TMEM43: variants seen among roughly 807,000 people sequenced by gnomAD.
TMEM43 encodes the protein transmembrane protein 43, also known as arrhythmogenic right ventricular dysplasia 5.
Under a neutral mutation model 49.6 loss-of-function variants are expected in TMEM43, and 45 were observed. The observed-to-expected ratio is 0.91, with a 90% confidence interval of 0.71 to 1.16. TMEM43 has a LOEUF of 1.16. Among genes scored for constraint, TMEM43 ranks in the 50% most tolerant of loss-of-function variants. TMEM43 has a pLI of 0.00. For missense variants in TMEM43, 532 were observed against 516.6 expected (o/e 1.03, Z -0.29); for synonymous variants, 199 against 207.8 (o/e 0.96, Z 0.36).
chr3:14,133,079 G>C (rs1323662611), intron 6 of TMEM43, 144 bp downstream of exon 6: 1 of 733,332 alleles, frequency 1.4e-6, no homozygotes, highest in Admixed American at 2.1e-5. Context: ...ACCAAGCCCT[G>C]TGCTGGGCAC....
rs746183974 is a variant in TMEM43, at chr3:14,134,850, G to A, written c.664G>A (p.Gly222Arg). The A allele has an allele frequency of 8.7e-6, 14 of 1,614,080 alleles. No homozygotes were observed. In the Admixed American group the frequency reaches 1.8e-4, roughly 21 times the overall value. ...EDPHVDIIRR[G>R]DFFYHSENPK... ...CCCTCATGTGGACATCATTCGCCGT[G>A]GAGACTTTTTCTACCACAGCGAAAA... Residue 222 changes from glycine (G) to arginine (R), a missense_variant, in exon 8 of 12, where the codon GGA becomes AGA. Coordinates refer to ENST00000306077, the MANE Select transcript of TMEM43 (RefSeq NM_024334.3).
chr3:14,138,283 T>C (rs1294379538), intron 10 of TMEM43, among the ~76,000 whole-genome samples: 4 of 151,880 alleles, frequency 2.6e-5, no homozygotes, highest in Non-Finnish European at 5.9e-5. Flanking sequence ...GCCAGCAGGG[T>C]CAGGGCACTG....
intron 2 of TMEM43, 88 bp downstream of exon 2, chr3:14,129,649 A>G: frequency 7.0e-7 from 1 of 1,430,302 alleles, no homozygotes; most frequent in Non-Finnish European, 9.8e-7. Flanking sequence ...TGGATTTGGT[A>G]ATCAAGGGCC....
chr3:14,133,054 G>T, intron 6 of TMEM43, 119 bp downstream of exon 6: 1 of 908,032 alleles, frequency 1.1e-6, no homozygotes, highest in East Asian at 2.7e-5. Context: ...TGAAAATGTG[G>T]GACATGGGTT....
Position 14,141,582 on chromosome 3 carries a change from C to G in TMEM43, c.1001-11C>G. 1 of 1,605,618 alleles carries G rather than the reference C, an allele frequency of 6.2e-7. No individual in the cohort carries two copies. The highest frequency in any genetic ancestry group is 8.5e-7 in the Non-Finnish European group (1 of 1,176,008). On this transcript the variant is annotated splice_polypyrimidine_tract_variant and intron_variant, in intron 11 of 11. Coordinates refer to ENST00000306077, the MANE Select transcript of TMEM43 (RefSeq NM_024334.3). The stretch of plus-strand genomic sequence containing the variant: ...GCAGGTGGCACCTCATCACCTTTCT[C>G]CTTTCCACAGTGGACTGGTTTCCTG...
Position 14,141,707 on chromosome 3 carries a change from G to GACCCCTGTGGGCCC in TMEM43, c.1116_1129dup (p.Leu377HisfsTer43). 19 of 1,614,038 alleles carry GACCCCTGTGGGCCC rather than the reference G, an allele frequency of 1.2e-5. No individual in the cohort carries two copies. The highest frequency in any genetic ancestry group is 1.6e-5 in the Non-Finnish European group (19 of 1,180,010). On this transcript the variant is annotated frameshift_variant, in exon 12 of 12. Coordinates refer to ENST00000306077, the MANE Select transcript of TMEM43 (RefSeq NM_024334.3). LOFTEE classifies it high-confidence loss of function. The stretch of plus-strand genomic sequence containing the variant: ...GTGGCGGCTGGCTGGCTCTTCTACC[G>GACCCCTGTGGGCCC]ACCCCTGTGGGCCCTCCTCATTGCC...
chr3:14,129,588 A>C lies in TMEM43; in HGVS notation c.162+27A>C, dbSNP rs760798770. The stretch of plus-strand genomic sequence containing the variant: ...TAAAATGTCTGGGGTCTTCCTGTGC[A>C]GAGTGAGAGTCCCCACCATGTCAGA... On this transcript the variant is annotated intron_variant, in intron 2 of 11. Transcript: ENST00000306077. 5.6e-6 allele frequency: 9 copies of C among 1,613,450 alleles called. No individual in the cohort carries two copies. The East Asian group carries it at 2.0e-4, about 36-fold the overall frequency.
At chr3:14,128,920 CAT>C in intron 1 of TMEM43, 1 of 456,206 alleles carries the variant, frequency 2.2e-6, no homozygotes, top group Middle Eastern at 3.3e-4. Flanking sequence ...GTGGTATAGT[CAT>C]AAATGGAATA....
Position 14,143,293 on chromosome 3 carries a change from C to T in TMEM43, c.*1498C>T, listed in dbSNP as rs1350869038. 1 of 152,160 alleles carries T rather than the reference C, an allele frequency of 6.6e-6. No individual in the cohort carries two copies. Among genetic ancestry groups the T allele is most frequent in the African/African-American group, 2.4e-5 (1 of 41,426 alleles). 9.4% of individuals were successfully genotyped at this position (152,160 alleles called of 1,614,324 possible). ...AATAAGGGGTCAGAACTTCTGAAACCAGAGATCTGTAATCATCTCTATTGG... is the reference window on the plus strand; with the variant it reads ...AATAAGGGGTCAGAACTTCTGAAACTAGAGATCTGTAATCATCTCTATTGG... On this transcript the variant is annotated 3_prime_UTR_variant, in exon 12 of 12. Transcript: ENST00000306077.
chr3:14,140,375 A>G (rs1178144320), intron 11 of TMEM43, among the ~76,000 whole-genome samples: 1 of 152,000 alleles, frequency 6.6e-6, no homozygotes, highest in African/African-American at 2.4e-5. Flanking sequence ...TGTGATCCCA[A>G]TTCACTCTAC....
chr3:14,131,710 G>A (rs1695099566), intron 4 of TMEM43, 36 bp downstream of exon 4: 1 of 1,505,276 alleles, frequency 6.6e-7, no homozygotes, highest in Non-Finnish European at 9.2e-7. Flanking sequence ...TTGGGGTAAA[G>A]GAGGAGTGAA....
At chr3:14,141,570 C>T in intron 11 of TMEM43, 23 bp from the exon 12 acceptor site, 2 of 1,611,546 alleles carry the variant, frequency 1.2e-6, no homozygotes, top group Non-Finnish European at 1.7e-6. Context: ...GGTGGCACCT[C>T]ATCACCTTTC....
At chr3:14,141,493 G>A in intron 11 of TMEM43, 100 bp from the exon 12 acceptor site, 1 of 1,158,430 alleles carries the variant, frequency 8.6e-7, no homozygotes. Context: ...CCTCATGCAT[G>A]TAGCAACATG....
chr3:14,125,191 A>ACC lies in TMEM43; in HGVS notation c.-2_-1dup. On this transcript the variant is annotated 5_prime_UTR_variant, in exon 1 of 12. Transcript: ENST00000306077. ...AGGCGGCGGCAGCGAGCCGGGTCCC[A>ACC]CCATGGCCGCGAATGTGAGTATCCC... The ACC allele has an allele frequency of 1.9e-6, 3 of 1,610,414 alleles. No individual in the cohort carries two copies. Among genetic ancestry groups the ACC allele is most frequent in the Non-Finnish European group, 2.5e-6 (3 of 1,179,272 alleles).
intron 10 of TMEM43, among the ~76,000 whole-genome samples, chr3:14,138,166 T>C (rs539353345): frequency 1.3e-5 from 2 of 151,852 alleles, no homozygotes; most frequent in Non-Finnish European, 2.9e-5. Flanking sequence ...CTCAAAAGAA[T>C]ATGTAGGAAG....
At chr3:14,134,993 T>C in intron 8 of TMEM43, 102 bp downstream of exon 8, 2 of 1,574,182 alleles carry the variant, frequency 1.3e-6, no homozygotes, top group Non-Finnish European at 1.7e-6. Context: ...CAGCTGCACT[T>C]GGCCAAGTGC....
chr3:14,133,360 A>G (rs1473650437), intron 6 of TMEM43, among the ~76,000 whole-genome samples: 1 of 152,178 alleles, frequency 6.6e-6, no homozygotes, highest in Admixed American at 6.5e-5. Flanking sequence ...GTGTGGCTAG[A>G]GAGCAGGCCT....
At position 14,141,650 on chromosome 3, in the gene TMEM43, T is replaced by C. The variant is rs565997790; in HGVS notation, c.1058T>C (p.Phe353Ser). Reference sequence around the variant, plus strand: ...AACATTGGCCTGAAAGCCTTTGCCTTCTGTGTGGCCACCTCGCTGACCCTG... The same window carrying C: ...AACATTGGCCTGAAAGCCTTTGCCTCCTGTGTGGCCACCTCGCTGACCCTG... The part of the protein sequence containing the change: ...LVNIGLKAFA[F>S]CVATSLTLLT... The change falls in exon 12 of 12, where the codon TTC (phenylalanine) becomes TCC (serine). Residue 353 changes from phenylalanine (F) to serine (S), a missense_variant. By Grantham distance (155) the Phe-to-Ser change is radical. Coordinates refer to ENST00000306077, the MANE Select transcript of TMEM43 (RefSeq NM_024334.3). 14 of 1,614,046 alleles carry C rather than the reference T, an allele frequency of 8.7e-6. No homozygotes were observed. Among genetic ancestry groups the C allele is most frequent in the Non-Finnish European group, 1.2e-5 (14 of 1,180,038 alleles).
At chr3:14,135,361 C>A in intron 9 of TMEM43, 129 bp downstream of exon 9, 1 of 794,552 alleles carries the variant, frequency 1.3e-6, no homozygotes, top group Non-Finnish European at 2.1e-6. Flanking sequence ...CTCGCACACA[C>A]TCTCAGCCAG....
Sources: gnomAD v4.1 joint callset for allele counts (sites outside exome capture counted in the v4.1 genomes callset) on GRCh38, gnomAD v4.1.1 for gene constraint, MANE v1.5 for transcripts, NCBI Gene and HGNC (gene_info 2026-07-23, HGNC 2026-07-21) for gene names.